Variants in MACF1 observed in about 807,000 individuals in gnomAD.
The protein encoded by MACF1 is microtubule-actin cross-linking factor 1.
A neutral mutation model predicts 854.8 loss-of-function variants in MACF1; 193 were observed. The ratio of observed to expected loss-of-function variants is 0.23; its 90% CI spans 0.20 to 0.25. The LOEUF is 0.25. Ranked by LOEUF, MACF1 falls within the 10% of genes least tolerant of loss-of-function variation. The pLI is 1.00. For missense variants in MACF1, 7,722 were observed against 8,929.1 expected (o/e 0.86, Z 5.45); for synonymous variants, 3,185 against 3,226.7 (o/e 0.99, Z 0.44).
Position 39,335,972 on chromosome 1 carries a change from A to G in MACF1, c.9384A>G (p.Gln3128=). 2 of 1,614,150 alleles carry G rather than the reference A, an allele frequency of 1.2e-6. No homozygotes were observed. The highest frequency in any genetic ancestry group is 1.7e-6 in the Non-Finnish European group (2 of 1,180,024). The change falls in exon 37 of 101, where the codon CAA becomes CAG. Residue 3128 remains glutamine, a synonymous_variant. Coordinates refer to ENST00000564288, the MANE Select transcript of MACF1 (RefSeq NM_001394062.1). ...AAGCCCAAGTGACAGGCCCATCCCA[A>G]ATTTCCAAAACAGACAAGTCTTTCC... ...DGKAQVTGPS[Q]ISKTDKSFQG...
intron 2 of MACF1, among the ~76,000 whole-genome samples, chr1:39,241,170 C>T (rs1168305683): frequency 6.6e-6 from 1 of 151,290 alleles, no homozygotes; most frequent in Non-Finnish European, 1.5e-5. Flanking sequence ...TCTGAAATTA[C>T]TAGGCTCACT....
intron 50 of MACF1, among the ~76,000 whole-genome samples, chr1:39,369,127 T>C (rs942428970): frequency 5.3e-5 from 8 of 150,852 alleles, no homozygotes; most frequent in African/African-American, 1.9e-4. Context: ...TGTGAACCAC[T>C]ATGCCCAGAC....
rs1646015793 is a variant in MACF1, at chr1:39,300,460, C to T, written c.2634+98C>T. ...ATGATGATAAAAGATCAAATTACAG[C>T]GTTTTTAAAATTAGAATTTAAACAT... On this transcript the variant is annotated intron_variant, in intron 22 of 100. Transcript: ENST00000564288. The T allele has an allele frequency of 8.3e-6, 10 of 1,211,312 alleles. 1 individual carries two copies. Among genetic ancestry groups the T allele is most frequent in the South Asian group, 5.4e-5 (3 of 55,560 alleles). The allele number at this position is 1,211,312 out of a possible 1,614,324, so 75.0% of individuals were successfully genotyped here.
chr1:39,188,105 T>G (rs1644202194), intron 2 of MACF1, among the ~76,000 whole-genome samples: 1 of 151,916 alleles, frequency 6.6e-6, no homozygotes, highest in South Asian at 2.1e-4. Flanking sequence ...AGAAGTTCTC[T>G]TAAAATGTCT....
At chr1:39,449,836 A>G (rs1323239477) in intron 84 of MACF1, among the ~76,000 whole-genome samples, 1 of 151,124 alleles carries the variant, frequency 6.6e-6, no homozygotes. Flanking sequence ...GACTATAGGC[A>G]TGTGCCACCA....
At chr1:39,247,141 C>T (rs956151793) in intron 2 of MACF1, among the ~76,000 whole-genome samples, 8 of 139,860 alleles carry the variant, frequency 5.7e-5, no homozygotes, top group Admixed American at 4.6e-4. Context: ...GGCGCGATCT[C>T]GACTCACTGC....
upstream of MACF1, chr1:39,204,225 T>C (rs1260771152): frequency 6.6e-6 from 1 of 152,196 alleles, no homozygotes; most frequent in African/African-American, 2.4e-5. Flanking sequence ...AGTGAACTGA[T>C]ATCGTGCCTT....
chr1:39,253,951 G>A (rs1199179341), intron 4 of MACF1, among the ~76,000 whole-genome samples: 2 of 152,212 alleles, frequency 1.3e-5, no homozygotes, highest in Non-Finnish European at 2.9e-5. Flanking sequence ...GAGTCATAGA[G>A]CCAAAGTCTG....
intron 72 of MACF1, among the ~76,000 whole-genome samples, chr1:39,440,106 CTTTTCTTTTT>C (rs1316090343): frequency 5.9e-5 from 4 of 68,300 alleles, no homozygotes; most frequent in African/African-American, 6.5e-5. Flanking sequence ...CTTTTCTTTT[CTTTTCTTTTT>C]TTTTTTTTTT....
intron 58 of MACF1, among the ~76,000 whole-genome samples, chr1:39,399,553 T>G (rs1415191513): frequency 1.3e-5 from 2 of 152,052 alleles, no homozygotes; most frequent in Non-Finnish European, 2.9e-5. Flanking sequence ...TTTTTTGTAT[T>G]TTTAGTAGAG....
At chr1:39,267,520 C>A (rs1489889932) in intron 6 of MACF1, among the ~76,000 whole-genome samples, 1 of 152,194 alleles carries the variant, frequency 6.6e-6, no homozygotes, top group Non-Finnish European at 1.5e-5. Flanking sequence ...AGGCGTGAGC[C>A]ACTGCGCCTG....
At chr1:39,394,914 C>G (rs1362707252) in intron 58 of MACF1, among the ~76,000 whole-genome samples, 3 of 152,170 alleles carry the variant, frequency 2.0e-5, no homozygotes, top group African/African-American at 7.2e-5. Context: ...CTATCCCTGC[C>G]AACCCCCACC....
At chr1:39,425,878 T>C (rs1643710080) in intron 61 of MACF1, among the ~76,000 whole-genome samples, 1 of 152,210 alleles carries the variant, frequency 6.6e-6, no homozygotes, top group Admixed American at 6.5e-5. Flanking sequence ...ATCTAATGCA[T>C]ATTTTTATGA....
intron 51 of MACF1, among the ~76,000 whole-genome samples, chr1:39,370,850 C>CA (rs200276609): frequency 4.4e-3 from 663 of 150,192 alleles, no homozygotes; most frequent in Non-Finnish European, 5.9e-3. Flanking sequence ...ACCTCAAGGC[C>CA]AAAAAAAACA....
chr1:39,337,463 G>C, intron 38 of MACF1, 132 bp downstream of exon 38: 1 of 755,300 alleles, frequency 1.3e-6, no homozygotes, highest in African/African-American at 1.8e-5. Flanking sequence ...ACCCTTGTCA[G>C]ATAATTATGG....
At chr1:39,109,291 G>T (rs1221694312) in intron 2 of MACF1, among the ~76,000 whole-genome samples, 1 of 152,050 alleles carries the variant, frequency 6.6e-6, no homozygotes, top group Non-Finnish European at 1.5e-5. Flanking sequence ...TTATTTTGAG[G>T]TGGAATCTTG....
chr1:39,168,058 G>T (rs560082834), intron 2 of MACF1, among the ~76,000 whole-genome samples: 1 of 152,288 alleles, frequency 6.6e-6, no homozygotes, highest in African/African-American at 2.4e-5. Context: ...TCAGCATGAG[G>T]CCTGTGTAGT....
chr1:39,148,662 G>A (rs1335038958), intron 2 of MACF1, among the ~76,000 whole-genome samples: 1 of 152,182 alleles, frequency 6.6e-6, no homozygotes, highest in African/African-American at 2.4e-5. Context: ...GTATTCTCTT[G>A]TATGGATGCA....
In MACF1 at chr1:39,479,800, C is replaced by T; in HGVS notation, c.21961C>T (p.Arg7321Ter). 1 of 1,613,484 alleles carries T rather than the reference C, an allele frequency of 6.2e-7. No individual in the cohort carries two copies. The highest frequency in any genetic ancestry group is 8.5e-7 in the Non-Finnish European group (1 of 1,179,382). Residue 7321 changes from arginine to a stop codon, truncating the protein, a stop_gained and splice_region_variant, in exon 98 of 101, where the codon CGA (arginine) becomes TGA (stop). Coordinates refer to ENST00000564288, the MANE Select transcript of MACF1 (RefSeq NM_001394062.1). LOFTEE classifies it high-confidence loss of function. ...SSISSQSPIA[R>*]GRTNIELREK... ...GTGTGTGTTTATTTCCTTTTTAGCA[C>T]GAGGTAGAACTAACATTGAACTTAG...
Sources: gnomAD v4.1 joint callset for allele counts (sites outside exome capture counted in the v4.1 genomes callset) on GRCh38, gnomAD v4.1.1 for gene constraint, MANE v1.5 for transcripts, NCBI Gene and HGNC (gene_info 2026-07-23, HGNC 2026-07-21) for gene names.